Variants in GCFC2 observed in about 807,000 individuals in gnomAD.
The protein encoded by GCFC2 is intron Large complex component GCFC2.
GCFC2 carries 102 observed loss-of-function variants against 99.4 expected under a neutral mutation model. The ratio of observed to expected loss-of-function variants is 1.03; its 90% CI spans 0.87 to 1.21. The LOEUF is 1.21. Ranked by LOEUF, GCFC2 falls within the 50% of genes most tolerant of loss-of-function variation. GCFC2 has a pLI of 0.00. For missense variants in GCFC2, 973 were observed against 920.9 expected (o/e 1.06, Z -0.73); for synonymous variants, 338 against 316.8 (o/e 1.07, Z -0.71).
Position 75,696,024 on chromosome 2 carries a change from G to T in GCFC2, c.833+176C>A, listed in dbSNP as rs115708831. ...GAAGGCAAAAATGCAGATATGGGGG[G>T]GACTAGTGTATACAAAAATGAAATA... On this transcript the variant is annotated intron_variant, in intron 5 of 16. Coordinates refer to ENST00000321027, the MANE Select transcript of GCFC2 (RefSeq NM_003203.5). Among the ~76,000 whole-genome samples the T allele has an allele frequency of 2.1e-3, 322 of 152,130 alleles. 2 individuals are homozygous for T. The highest frequency in any genetic ancestry group is 7.4e-3 in the African/African-American group (308 of 41,486).
chr2:75,705,044 A>C (rs1443386007), intron 2 of GCFC2, among the ~76,000 whole-genome samples: 1 of 152,210 alleles, frequency 6.6e-6, no homozygotes, highest in African/African-American at 2.4e-5. Flanking sequence ...TATAACTAAA[A>C]ATTCAATTTC....
chr2:75,683,220 A>C (rs1679654460), intron 11 of GCFC2, among the ~76,000 whole-genome samples: 1 of 151,944 alleles, frequency 6.6e-6, no homozygotes, highest in Admixed American at 6.5e-5. Context: ...CACAAATGGA[A>C]GCCCATCAGA....
intron 2 of GCFC2, among the ~76,000 whole-genome samples, chr2:75,703,410 CAAAAA>C (rs747057507): frequency 1.3e-5 from 2 of 151,836 alleles, no homozygotes; most frequent in Non-Finnish European, 2.9e-5. Context: ...TTGAAACAAA[CAAAAA>C]AAGAGAAAGA....
intron 8 of GCFC2, 105 bp from the exon 9 acceptor site, chr2:75,690,186 C>T (rs1056727669): frequency 1.3e-5 from 9 of 679,776 alleles, no homozygotes; most frequent in Non-Finnish European, 2.4e-5. Context: ...GTAATTTTAT[C>T]ATTTATTTTA....
At chr2:75,700,024 C>T (rs1013325679) in intron 4 of GCFC2, among the ~76,000 whole-genome samples, 5 of 152,036 alleles carry the variant, frequency 3.3e-5, no homozygotes, top group Non-Finnish European at 7.4e-5. Flanking sequence ...CTTCAGCCCC[C>T]CAAGCAGCTA....
In GCFC2 at chr2:75,702,159, TA is replaced by T. The variant is rs566697276; in HGVS notation, c.619+39del. On this transcript the variant is annotated intron_variant, in intron 3 of 16. Coordinates refer to ENST00000321027, the MANE Select transcript of GCFC2 (RefSeq NM_003203.5). Reference sequence around the variant, plus strand: ...GAGATTCTCTCATATTATATTCTAATAAAAAATATCCTAATCTTCATATATT... The same window carrying T: ...GAGATTCTCTCATATTATATTCTAATAAAAATATCCTAATCTTCATATATT... The T allele has an allele frequency of 2.7e-5, 43 of 1,578,228 alleles. No individual in the cohort carries two copies. The African/African-American group carries it at 5.4e-4, about 20-fold the overall frequency.
At chr2:75,690,211 T>C (rs1347056926) in intron 8 of GCFC2, 130 bp from the exon 9 acceptor site, 1 of 635,510 alleles carries the variant, frequency 1.6e-6, no homozygotes, top group Non-Finnish European at 2.8e-6. Context: ...GCCAGAAATA[T>C]ACTATCATAT....
chr2:75,691,342 CT>C (rs757718644), intron 7 of GCFC2, among the ~76,000 whole-genome samples: 37 of 152,098 alleles, frequency 2.4e-4, no homozygotes, highest in Non-Finnish European at 4.0e-4. Flanking sequence ...CCATTGTTGA[CT>C]GAAACTGTGG....
intron 1 of GCFC2, 116 bp downstream of exon 1, chr2:75,710,475 G>A: frequency 7.2e-7 from 1 of 1,390,338 alleles, no homozygotes; most frequent in East Asian, 3.0e-5. Flanking sequence ...ATAAGACTCA[G>A]CATGGCTTGT....
chr2:75,710,637 G>T lies in GCFC2; in HGVS notation c.219C>A (p.Ser73Arg). The T allele has an allele frequency of 6.6e-7, 1 of 1,517,886 alleles. No homozygotes were observed. The highest frequency in any genetic ancestry group is 8.8e-7 in the Non-Finnish European group (1 of 1,139,718). The allele number at this position is 1,517,886 out of a possible 1,614,324, so 94.0% of individuals were successfully genotyped here. Residue 73 changes from serine (S) to arginine (R), a missense_variant, in exon 1 of 17, where the codon AGC becomes AGA. Transcript: ENST00000321027. ...GPRGRGRVWA[S>R]SRRATKAAPR... ...GAGCCGCTTTGGTGGCACGCCGGGA[G>T]CTCGCCCAGACCCGGCCCCGGCCAC...
chr2:75,711,077 C>A (rs1010518708), upstream of GCFC2: 54 of 1,306,600 alleles, frequency 4.1e-5, no homozygotes, highest in Admixed American at 2.1e-4. Context: ...GCAAAGCATT[C>A]CCTTTGCCAG....
In GCFC2 at chr2:75,683,135, A is replaced by G. The variant is rs1198256792; in HGVS notation, c.1691-2821T>C. Among the ~76,000 whole-genome samples, 4 of 151,802 alleles carry G rather than the reference A, an allele frequency of 2.6e-5. 1 individual carries two copies. Among genetic ancestry groups the G allele is most frequent in the African/African-American group, 9.7e-5 (4 of 41,088 alleles). On this transcript the variant is annotated intron_variant, in intron 11 of 16. Transcript: ENST00000321027. ...CTCGAGAAGAGCAACCCCAAGACAC[A>G]TAATTGTCAGATTCACCAAGGTTGA...
At position 75,686,980 on chromosome 2, in the gene GCFC2, G is replaced by A. The variant is rs565113365; in HGVS notation, c.1690+847C>T. ...ACGGAGTTTCACTCTTGTCACCCAG[G>A]CTGGAGTGCAATGGCACGATCTCGG... On this transcript the variant is annotated intron_variant, in intron 11 of 16. Coordinates refer to ENST00000321027, the MANE Select transcript of GCFC2 (RefSeq NM_003203.5). Among the ~76,000 whole-genome samples, 20 of 152,008 alleles carry A rather than the reference G, an allele frequency of 1.3e-4. No homozygotes were observed. In the South Asian group the frequency reaches 4.2e-3, roughly 32 times the overall value.
chr2:75,664,720 G>A lies in GCFC2; in HGVS notation c.2292C>T (p.Ser764=), dbSNP rs768999556. ...VKIKALNQAE[S]FIGEHHLDHL... ...GGTCTAGGTGATGCTCTCCTATGAA[G>A]GATTCTGCTTGATTCAAAGCTTTTA... The change falls in exon 17 of 17, where the codon TCC becomes TCT. Residue 764 remains serine, a synonymous_variant. Transcript: ENST00000321027. 1.9e-6 allele frequency: 3 copies of A among 1,572,870 alleles called. No homozygotes were observed. The highest frequency in any genetic ancestry group is 2.6e-6 in the Non-Finnish European group (3 of 1,143,988).
intron 14 of GCFC2, among the ~76,000 whole-genome samples, chr2:75,671,195 C>T (rs556963306): frequency 6.6e-6 from 1 of 152,244 alleles, no homozygotes; most frequent in South Asian, 2.1e-4. Flanking sequence ...CTACAGATTC[C>T]CTGAAGCCTC....
At chr2:75,701,372 A>G in intron 3 of GCFC2, 85 bp from the exon 4 acceptor site, 1 of 750,558 alleles carries the variant, frequency 1.3e-6, no homozygotes, top group Non-Finnish European at 2.4e-6. Context: ...GATTATACAA[A>G]GGCTTAGCAC....
intron 15 of GCFC2, among the ~76,000 whole-genome samples, chr2:75,666,722 A>T (rs1323367863): frequency 3.3e-5 from 5 of 151,972 alleles, no homozygotes; most frequent in Non-Finnish European, 5.9e-5. Flanking sequence ...GTAAAAAAAA[A>T]AAAAACTTCC....
rs1282334063 is a variant in GCFC2, at chr2:75,689,982, G to C, written c.1326C>G (p.Phe442Leu). 3.8e-6 allele frequency: 6 copies of C among 1,582,954 alleles called. No homozygotes were observed. The East Asian group carries it at 1.1e-4, about 30-fold the overall frequency. Residue 442 changes from phenylalanine to leucine, a missense_variant, in exon 9 of 17, where the codon TTC becomes TTG. Phe to Leu is a conservative substitution (Grantham distance 22, BLOSUM62 0). Transcript: ENST00000321027. ...TTGGTAACTGACCTTGGCTTTTTTG[G>C]AAGTCAATCATCTCTGCTGAAGGCA... ...DELPSAEMIDFQKSQGDILQK... is the reference protein window; with the variant it reads ...DELPSAEMIDLQKSQGDILQK...
rs190065533 is a variant in GCFC2 at position 75,707,050 on chromosome 2, C to T, written c.266-399G>A. ...CTGTTTTACATGACTTATTTAATAC[C>T]TGTAATTCTATAAAGTAAATGCAAT... On this transcript the variant is annotated intron_variant, in intron 1 of 16. Transcript: ENST00000321027. 1.2e-4 allele frequency among the ~76,000 whole-genome samples: 19 copies of T among 152,200 alleles called. No individual in the cohort carries two copies. In the East Asian group the frequency reaches 3.5e-3, roughly 28 times the overall value.
Sources: allele counts gnomAD v4.1 joint callset (sites outside exome capture counted in the v4.1 genomes callset), GRCh38; gene constraint gnomAD v4.1.1; transcripts MANE v1.5; gene names NCBI Gene and HGNC (gene_info 2026-07-23, HGNC 2026-07-21).